The following HOMER2 variants were observed in gnomAD, a reference collection of about 807,000 sequenced individuals.
HOMER2 encodes the protein homer scaffold protein 2, also known as homer protein homolog 2.
In HOMER2, 27 loss-of-function variants were observed where a neutral mutation model predicts 47.0. The observed-to-expected ratio is 0.57, with a 90% CI of 0.42 to 0.79. The LOEUF (loss-of-function observed/expected upper bound fraction) is 0.79, where lower values mean the gene tolerates loss of function less well. HOMER2 is among the 30% of genes least tolerant of loss of function. HOMER2 has a pLI of 0.00. For missense variants in HOMER2, 443 were observed against 435.0 expected, an observed-to-expected ratio of 1.02 and a Z score of -0.16; for synonymous variants, 161 against 163.8, an observed-to-expected ratio of 0.98 and a Z score of 0.13.
At chr15:82,926,076 A>AC (rs2053845974) in intron 1 of HOMER2, 1 of 152,160 alleles carries the variant, frequency 6.6e-6, no homozygotes, top group Admixed American at 6.6e-5. Context: ...AGTAAGTCCA[A>AC]CCCATCTATA....
chr15:82,948,977 C>A (rs2054442142), intron 1 of HOMER2, among the ~76,000 whole-genome samples: 1 of 152,164 alleles, frequency 6.6e-6, no homozygotes, highest in African/African-American at 2.4e-5. Flanking sequence ...AGAGTGGGAA[C>A]TATGGCTATG....
chr15:82,857,081 A>AC (rs1379899302), intron 5 of HOMER2, among the ~76,000 whole-genome samples: 3 of 148,482 alleles, frequency 2.0e-5, no homozygotes, highest in African/African-American at 7.4e-5. Flanking sequence ...TTGAAACCCT[A>AC]CCCCTAATGT....
downstream of HOMER2, chr15:82,845,932 T>C (rs1226636567): frequency 6.6e-6 from 1 of 152,258 alleles, no homozygotes; most frequent in African/African-American, 2.4e-5. Flanking sequence ...CTTTACTTGA[T>C]GTTTTGCATC....
chr15:82,900,312 T>G (rs1183669690), intron 1 of HOMER2, among the ~76,000 whole-genome samples: 5 of 151,888 alleles, frequency 3.3e-5, no homozygotes, highest in Non-Finnish European at 4.4e-5. Context: ...AAAACCCAAA[T>G]AAATAAATAC....
downstream of HOMER2, chr15:82,847,150 G>A (rs1383114457): frequency 6.6e-6 from 1 of 152,278 alleles, no homozygotes; most frequent in Non-Finnish European, 1.5e-5. Context: ...TCTGGCGTAA[G>A]GTTATGACAA....
intron 1 of HOMER2, among the ~76,000 whole-genome samples, chr15:82,985,103 T>C (rs2030545247): frequency 1.3e-5 from 2 of 152,222 alleles, no homozygotes; most frequent in Non-Finnish European, 2.9e-5. Flanking sequence ...GAGACAGGTA[T>C]TTCATGCAAG....
chr15:82,854,853 T>C, intron 5 of HOMER2, 53 bp from the exon 6 acceptor site: 2 of 1,567,578 alleles, frequency 1.3e-6, no homozygotes, highest in East Asian at 2.3e-5. Context: ...CCCGTCTGGC[T>C]CCGCCCGCGT....
chr15:82,844,306 A>G (rs1177068549), downstream of HOMER2: 1 of 152,212 alleles, frequency 6.6e-6, no homozygotes, highest in Non-Finnish European at 1.5e-5. Context: ...CTAAGTCAAT[A>G]TTCTGAAAAG....
chr15:82,970,888 T>G (rs1369970637), intron 1 of HOMER2, among the ~76,000 whole-genome samples: 2 of 152,220 alleles, frequency 1.3e-5, no homozygotes, highest in Admixed American at 1.3e-4. Flanking sequence ...TAAATAAGCC[T>G]TATCGCTGGC....
chr15:82,856,993 A>G (rs1438903659), intron 5 of HOMER2, among the ~76,000 whole-genome samples: 1 of 152,094 alleles, frequency 6.6e-6, no homozygotes, highest in African/African-American at 2.4e-5. Context: ...CAGTTTCCTC[A>G]TCTGTAAAAT....
At chr15:82,841,350 G>A (rs1458559125) in exon 2 of HOMER2, 2 of 152,074 alleles carry the variant, frequency 1.3e-5, no homozygotes, top group Non-Finnish European at 2.9e-5. Flanking sequence ...AAAGCCAGTT[G>A]ATCATCTTGA....
chr15:82,936,025 A>C (rs2054135166), intron 1 of HOMER2, among the ~76,000 whole-genome samples: 1 of 152,132 alleles, frequency 6.6e-6, no homozygotes, highest in Non-Finnish European at 1.5e-5. Flanking sequence ...CCTCAGCTCA[A>C]TTTCGTCCTC....
At chr15:82,943,973 GGTGGGGAC>G (rs552934741) in intron 1 of HOMER2, among the ~76,000 whole-genome samples, 261 of 152,108 alleles carry the variant, frequency 1.7e-3, no homozygotes, top group Non-Finnish European at 2.6e-3. Context: ...TCTGCACAGG[GGTGGGGAC>G]TCTACCATCT....
chr15:82,851,715 C>T (rs2051402311), intron 7 of HOMER2, among the ~76,000 whole-genome samples: 1 of 152,168 alleles, frequency 6.6e-6, no homozygotes, highest in African/African-American at 2.4e-5. Flanking sequence ...CGGAATGCTT[C>T]AGCCCAGTTC....
At position 82,859,033 on chromosome 15, in the gene HOMER2, G is replaced by A; in HGVS notation, c.490C>T (p.Gln164Ter). 6.2e-7 allele frequency: 1 copy of A among 1,613,836 alleles called. No individual in the cohort carries two copies. Among genetic ancestry groups the A allele is most frequent in the Non-Finnish European group, 8.5e-7 (1 of 1,179,790 alleles). ...ENDKLKIALT[Q>*]SAANVKKWEI... ...TGGACTTTAAAACAGCCTTACCTCT[G>A]CGTCAAGGCAATCTTCAGCTTGTCA... Residue 164 changes from glutamine (Q) to a stop codon, truncating the protein, a stop_gained, in exon 5 of 9, where the codon CAG becomes TAG. Coordinates refer to ENST00000450735, the MANE Select transcript of HOMER2 (RefSeq NM_004839.4). LOFTEE classifies it high-confidence loss of function.
At chr15:82,951,780 G>A (rs1947086013) in intron 1 of HOMER2, among the ~76,000 whole-genome samples, 2 of 152,254 alleles carry the variant, frequency 1.3e-5, no homozygotes. Context: ...AGTGTCCCCT[G>A]AATACGTATG....
chr15:82,982,208 C>T (rs903394354), intron 1 of HOMER2, among the ~76,000 whole-genome samples: 1 of 152,072 alleles, frequency 6.6e-6, no homozygotes, highest in Non-Finnish European at 1.5e-5. Context: ...TAAATTATGG[C>T]CCATATATTC....
chr15:82,841,629 G>C (rs140664912), exon 2 of HOMER2: 2 of 152,256 alleles, frequency 1.3e-5, no homozygotes, highest in Admixed American at 1.3e-4. Flanking sequence ...GATGAGTTGA[G>C]AAAGTGAAAT....
chr15:82,867,050 GAA>G (rs1202656980), intron 3 of HOMER2, among the ~76,000 whole-genome samples: 1 of 152,106 alleles, frequency 6.6e-6, no homozygotes, highest in Non-Finnish European at 1.5e-5. Context: ...GGGGGAAACA[GAA>G]ATTAATGAGG....
Sources: gnomAD v4.1 joint callset for allele counts (sites outside exome capture counted in the v4.1 genomes callset) on GRCh38, gnomAD v4.1.1 for gene constraint, MANE v1.5 for transcripts, NCBI Gene and HGNC (gene_info 2026-07-23, HGNC 2026-07-21) for gene names.